The following VPS45 variants were observed in gnomAD, a reference collection of about 807,000 sequenced individuals.
VPS45 encodes the protein vacuolar protein sorting 45 homolog, also known as vacuolar protein sorting-associated protein 45.
VPS45 carries 35 observed loss-of-function variants against 75.9 expected under a neutral mutation model. The observed-to-expected ratio is 0.46, with a 90% CI of 0.35 to 0.61. The LOEUF (loss-of-function observed/expected upper bound fraction) is 0.61. Among genes scored for constraint, VPS45 ranks in the 20% least tolerant of loss-of-function variants. The probability of loss-of-function intolerance (pLI) is 0.00; values close to 1 mark genes in which losing one functional copy is unlikely to be tolerated. For synonymous variants in VPS45, 220 were observed against 238.2 expected, an observed-to-expected ratio of 0.92 and a Z score of 0.70; for missense variants, 559 against 685.9, an observed-to-expected ratio of 0.81 and a Z score of 2.07.
chr1:150,089,696 T>C (rs1425624742), intron 10 of VPS45, among the ~76,000 whole-genome samples: 2 of 152,164 alleles, frequency 1.3e-5, no homozygotes, highest in African/African-American at 4.8e-5. Flanking sequence ...AAACTTACGC[T>C]GTTGATTGAG....
At chr1:150,119,583 C>A (rs1553809156) in intron 14 of VPS45, among the ~76,000 whole-genome samples, 1 of 152,118 alleles carries the variant, frequency 6.6e-6, no homozygotes, top group Non-Finnish European at 1.5e-5. Context: ...ATATTGCTCT[C>A]CTTTTACACT....
intron 2 of VPS45, among the ~76,000 whole-genome samples, chr1:150,069,266 G>C (rs1654894573): frequency 6.6e-6 from 1 of 151,882 alleles, no homozygotes; most frequent in Non-Finnish European, 1.5e-5. Context: ...TCCTAGGTCT[G>C]CTTCTCCTCT....
intron 14 of VPS45, among the ~76,000 whole-genome samples, chr1:150,140,768 G>A (rs1659353806): frequency 6.6e-6 from 1 of 152,130 alleles, no homozygotes; most frequent in Non-Finnish European, 1.5e-5. Context: ...GTATCCTTGT[G>A]CCCCTAAAAG....
intron 2 of VPS45, 125 bp downstream of exon 2, chr1:150,068,889 C>T: frequency 9.3e-7 from 1 of 1,074,732 alleles, no homozygotes; most frequent in Non-Finnish European, 1.3e-6. Flanking sequence ...CCTGGTTCAT[C>T]AGTGTTATAA....
At chr1:150,143,326 A>G (rs1253564086) in intron 14 of VPS45, among the ~76,000 whole-genome samples, 1 of 152,182 alleles carries the variant, frequency 6.6e-6, no homozygotes, top group African/African-American at 2.4e-5. Flanking sequence ...GCAGTGGCTC[A>G]CGCTTGTAAT....
chr1:150,107,392 T>G (rs908121398), intron 13 of VPS45, among the ~76,000 whole-genome samples: 2 of 152,176 alleles, frequency 1.3e-5, no homozygotes, highest in Admixed American at 1.3e-4. Context: ...TTTACCCCTA[T>G]CCTCCACATT....
At chr1:150,068,942 T>G (rs1654877283) in intron 2 of VPS45, 178 bp downstream of exon 2, 2 of 604,014 alleles carry the variant, frequency 3.3e-6, no homozygotes, top group Non-Finnish European at 5.2e-6. Flanking sequence ...AGTTGACCCC[T>G]TACAGCCAGT....
chr1:150,092,102 A>G lies in VPS45; in HGVS notation c.1263+7A>G. ...TTCTGAGAAGTATCGAAAGGTAACC[A>G]GTTTCCATATTAGCCCACCAAACAG... On this transcript the variant is annotated splice_region_variant and intron_variant, in intron 11 of 14. Coordinates refer to ENST00000644510, the MANE Select transcript of VPS45 (RefSeq NM_007259.5). The G allele has an allele frequency of 6.2e-7, 1 of 1,610,382 alleles. No homozygotes were observed. Among genetic ancestry groups the G allele is most frequent in the South Asian group, 1.1e-5 (1 of 90,374 alleles).
chr1:150,102,922 G>A (rs961741432), intron 13 of VPS45, among the ~76,000 whole-genome samples: 7 of 152,098 alleles, frequency 4.6e-5, no homozygotes, highest in African/African-American at 1.7e-4. Context: ...TGGGTCCTGA[G>A]CTTAATAACT....
Position 150,140,762 on chromosome 1 carries a change from C to T in VPS45, c.1626-3947C>T, listed in dbSNP as rs180986338. On this transcript the variant is annotated intron_variant, in intron 14 of 14. Coordinates refer to ENST00000644510, the MANE Select transcript of VPS45 (RefSeq NM_007259.5). ...TTACAAAGAGAATGTACTCATGTATCCTTGTGCCCCTAAAAGCTTCATAAG... is the reference window on the plus strand; with the variant it reads ...TTACAAAGAGAATGTACTCATGTATTCTTGTGCCCCTAAAAGCTTCATAAG... Among the ~76,000 whole-genome samples, 335 of 152,212 alleles carry T rather than the reference C, an allele frequency of 2.2e-3. 1 individual carries two copies. Among genetic ancestry groups the T allele is most frequent in the Middle Eastern group, 0.01 (3 of 294 alleles).
chr1:150,115,864 G>T (rs1202798753), intron 14 of VPS45, among the ~76,000 whole-genome samples: 1 of 152,000 alleles, frequency 6.6e-6, no homozygotes, highest in Non-Finnish European at 1.5e-5. Flanking sequence ...GACCCTCTGT[G>T]GCTACTAAAA....
intron 14 of VPS45, among the ~76,000 whole-genome samples, chr1:150,131,138 A>G (rs998523889): frequency 2.6e-5 from 4 of 152,188 alleles, no homozygotes; most frequent in African/African-American, 4.8e-5. Context: ...CCTGTATAGT[A>G]TATACACATA....
chr1:150,068,119 T>C (rs1654828001), intron 1 of VPS45, 169 bp downstream of exon 1: 1 of 648,056 alleles, frequency 1.5e-6, no homozygotes, highest in South Asian at 2.0e-5. Context: ...GTTTTCAGTC[T>C]ACATGGCTCC....
intron 14 of VPS45, among the ~76,000 whole-genome samples, chr1:150,136,947 G>A (rs1236296703): frequency 3.9e-5 from 6 of 152,142 alleles, no homozygotes; most frequent in Non-Finnish European, 7.4e-5. Flanking sequence ...CACCCAGGCT[G>A]GAGTGCAGTG....
chr1:150,069,990 C>T (rs1553796708), intron 2 of VPS45, among the ~76,000 whole-genome samples: 1 of 152,084 alleles, frequency 6.6e-6, no homozygotes, highest in African/African-American at 2.4e-5. Flanking sequence ...CCCCCTTTTG[C>T]ACTCTGCATC....
Position 150,124,552 on chromosome 1 carries a change from C to CTTTTTTTTTTTTTTTTTT in VPS45, c.1625+13938_1625+13939insTTTTTTTTTTTTTTTTTT, listed in dbSNP as rs1415553849. On this transcript the variant is annotated intron_variant, in intron 14 of 14. Coordinates refer to ENST00000644510, the MANE Select transcript of VPS45 (RefSeq NM_007259.5). ...AATATGTTGGCTTTTTTTCTTTTTT[C>CTTTTTTTTTTTTTTTTTT]TTTTTTTTTTTTTGAGACAGAGTCT... is the stretch of plus-strand genomic sequence containing the variant. Among the ~76,000 whole-genome samples, 4 of 140,218 alleles carry CTTTTTTTTTTTTTTTTTT rather than the reference C, an allele frequency of 2.9e-5. 1 individual carries two copies. Among genetic ancestry groups the CTTTTTTTTTTTTTTTTTT allele is most frequent in the Non-Finnish European group, 6.1e-5 (4 of 65,580 alleles). The allele number at this position is 140,218 out of a possible 152,430, so 92.0% of individuals were successfully genotyped here.
intron 2 of VPS45, among the ~76,000 whole-genome samples, chr1:150,069,459 CT>C (rs10707595): frequency 7.8e-6 from 1 of 128,134 alleles, no homozygotes; most frequent in Non-Finnish European, 1.6e-5. Context: ...ATTTGTTACA[CT>C]TTTTTTTTTT....
At chr1:150,071,769 CAG>C (rs1428222234) in intron 2 of VPS45, among the ~76,000 whole-genome samples, 2 of 123,944 alleles carry the variant, frequency 1.6e-5, no homozygotes, top group Non-Finnish European at 1.6e-5. Flanking sequence ...GCCTGGGCAA[CAG>C]AGTGAGACTT....
rs1387840588 is a variant in VPS45, at chr1:150,076,456, ATTG to A, written c.369+147_369+149del. On this transcript the variant is annotated intron_variant, in intron 4 of 14. Coordinates refer to ENST00000644510, the MANE Select transcript of VPS45 (RefSeq NM_007259.5). Reference sequence around the variant, plus strand: ...TATGTTTATCACATAAATGAGGAATATTGTTTTCAGAGGCAGCAAATAAACTAG... The same window carrying A: ...TATGTTTATCACATAAATGAGGAATATTTTCAGAGGCAGCAAATAAACTAG... The A allele has an allele frequency of 7.1e-6, 4 of 566,518 alleles. No homozygotes were observed. In the African/African-American group the frequency reaches 7.8e-5, roughly 11 times the overall value. The allele number at this position is 566,518 out of a possible 1,614,324, so 35.1% of individuals were successfully genotyped here. A position where few individuals can be genotyped will look rare whatever the true frequency, so the allele number is the denominator to read the frequency against.
Sources: allele counts gnomAD v4.1 joint callset (sites outside exome capture counted in the v4.1 genomes callset), GRCh38; gene constraint gnomAD v4.1.1; transcripts MANE v1.5; gene names NCBI Gene and HGNC (gene_info 2026-07-23, HGNC 2026-07-21).